The following CCSER1 variants were observed in gnomAD, a reference collection of about 807,000 sequenced individuals.
The protein encoded by CCSER1 is serine-rich coiled-coil domain-containing protein 1.
CCSER1 carries 41 observed loss-of-function variants against 82.0 expected under a neutral mutation model. That is an observed-to-expected ratio of 0.50 (90% CI 0.39 to 0.65). CCSER1 has a LOEUF of 0.65. Ranked by LOEUF, CCSER1 falls within the 30% of genes least tolerant of loss-of-function variation. The pLI, the probability that CCSER1 is intolerant of heterozygous loss-of-function variation, is 0.00. For missense variants in CCSER1, 1,119 were observed against 1,064.2 expected (o/e 1.05, Z -0.72); for synonymous variants, 414 against 383.9 (o/e 1.08, Z -0.92).
At chr4:91,360,384 G>A (rs527601265) in intron 10 of CCSER1, among the ~76,000 whole-genome samples, 2 of 151,518 alleles carry the variant, frequency 1.3e-5, no homozygotes, top group South Asian at 2.1e-4. Flanking sequence ...ATTATGAACT[G>A]GGAATAAAAC....
intron 3 of CCSER1, among the ~76,000 whole-genome samples, chr4:90,345,629 T>C (rs1742178748): frequency 6.6e-6 from 1 of 152,028 alleles, no homozygotes; most frequent in African/African-American, 2.4e-5. Flanking sequence ...ATATACTAAA[T>C]GAACAGACAA....
At chr4:90,865,464 T>A (rs899423327) in intron 8 of CCSER1, among the ~76,000 whole-genome samples, 2 of 152,174 alleles carry the variant, frequency 1.3e-5, no homozygotes, top group African/African-American at 4.8e-5. Context: ...CATGTTTTTT[T>A]AAATGTCTAC....
chr4:91,177,440 A>G (rs1020324770), intron 10 of CCSER1, among the ~76,000 whole-genome samples: 47 of 152,286 alleles, frequency 3.1e-4, no homozygotes, highest in Non-Finnish European at 5.9e-4. Context: ...CTGTGAATCC[A>G]TCTGGTCCTG....
rs1315484687 is a variant in CCSER1, at chr4:90,225,547, A to G, written c.-41-82697A>G. Among the ~76,000 whole-genome samples the G allele has an allele frequency of 2.6e-5, 4 of 152,174 alleles. No homozygotes were observed. The East Asian group carries it at 5.8e-4, about 22-fold the overall frequency. The stretch of plus-strand genomic sequence containing the variant: ...TGGGCATTATATTATCTATTTGGCA[A>G]TTGAGAAAATAGAGGCTTATAGAGG... On this transcript the variant is annotated intron_variant, in intron 1 of 10. Transcript: ENST00000509176.
intron 7 of CCSER1, among the ~76,000 whole-genome samples, chr4:90,744,759 C>T (rs1177058431): frequency 1.3e-5 from 2 of 152,010 alleles, no homozygotes; most frequent in Non-Finnish European, 2.9e-5. Flanking sequence ...ACTGCACGTA[C>T]AAGGGATCTA....
At chr4:91,521,684 A>C (rs2110142301) in intron 10 of CCSER1, among the ~76,000 whole-genome samples, 1 of 152,340 alleles carries the variant, frequency 6.6e-6, no homozygotes, top group South Asian at 2.1e-4. Flanking sequence ...TCTTCTTTTG[A>C]GAAATGCCTG....
intron 10 of CCSER1, among the ~76,000 whole-genome samples, chr4:91,339,244 A>G (rs2149285542): frequency 6.6e-6 from 1 of 152,280 alleles, no homozygotes; most frequent in Non-Finnish European, 1.5e-5. Flanking sequence ...AATGGAGTCT[A>G]AGTGAATTCT....
chr4:90,775,404 C>T (rs1236658216), intron 7 of CCSER1, among the ~76,000 whole-genome samples: 2 of 152,066 alleles, frequency 1.3e-5, no homozygotes, highest in Non-Finnish European at 2.9e-5. Context: ...GTTCTAGAAA[C>T]AGTTTTACAG....
At chr4:90,228,577 A>C (rs935809825) in intron 1 of CCSER1, among the ~76,000 whole-genome samples, 2 of 152,210 alleles carry the variant, frequency 1.3e-5, no homozygotes, top group Non-Finnish European at 2.9e-5. Flanking sequence ...TCCTCCTCCA[A>C]AGGAACATAA....
Position 90,308,528 on chromosome 4 carries a change from C to G in CCSER1, c.244C>G (p.Pro82Ala). Residue 82 changes from proline (P) to alanine (A), a missense_variant, in exon 2 of 11, where the codon CCT becomes GCT. Transcript: ENST00000509176. ...HKKGSEPKQEPTNQNLSISNG... is the reference protein window; with the variant it reads ...HKKGSEPKQEATNQNLSISNG... The stretch of plus-strand genomic sequence containing the variant: ...GAAGGGGAGTGAGCCTAAGCAAGAG[C>G]CTACCAACCAGAACCTTAGTATTTC... 2 of 1,613,890 alleles carry G rather than the reference C, an allele frequency of 1.2e-6. No homozygotes were observed. Among genetic ancestry groups the G allele is most frequent in the East Asian group, 4.5e-5 (2 of 44,870 alleles).
chr4:90,922,716 C>G (rs1345053790), intron 8 of CCSER1, among the ~76,000 whole-genome samples: 5 of 151,968 alleles, frequency 3.3e-5, no homozygotes, highest in African/African-American at 1.2e-4. Context: ...TAATTAAACT[C>G]AAGATCTCAT....
intron 9 of CCSER1, among the ~76,000 whole-genome samples, chr4:91,052,351 CTT>C (rs1743080238): frequency 1.3e-5 from 2 of 152,010 alleles, no homozygotes; most frequent in South Asian, 4.1e-4. Context: ...AATTGAAAAA[CTT>C]ATTAGGTTCA....
intron 1 of CCSER1, among the ~76,000 whole-genome samples, chr4:90,229,806 G>A (rs1744072792): frequency 6.6e-6 from 1 of 151,830 alleles, no homozygotes; most frequent in African/African-American, 2.4e-5. Context: ...ACAAAAAAAG[G>A]CAGGGGTTGC....
At chr4:91,199,610 A>G (rs929879555) in intron 10 of CCSER1, among the ~76,000 whole-genome samples, 12 of 152,092 alleles carry the variant, frequency 7.9e-5, no homozygotes, top group Non-Finnish European at 1.0e-4. Context: ...GGTAAAGCTC[A>G]TGTCCTCAAG....
At position 90,552,787 on chromosome 4, in the gene CCSER1, A is replaced by G. The variant is rs79746236; in HGVS notation, c.1725-75238A>G. 2.6e-4 allele frequency among the ~76,000 whole-genome samples: 39 copies of G among 152,258 alleles called. No homozygotes were observed. The East Asian group carries it at 7.0e-3, about 27-fold the overall frequency. Reference sequence around the variant, plus strand: ...TTAAGCTTTTCAAAGCTTTTTGCGTACTAGTCTTGTAGAAATTATTTAACA... The same window carrying G: ...TTAAGCTTTTCAAAGCTTTTTGCGTGCTAGTCTTGTAGAAATTATTTAACA... On this transcript the variant is annotated intron_variant, in intron 5 of 10. Transcript: ENST00000509176.
At chr4:90,581,465 G>A (rs936868375) in intron 5 of CCSER1, among the ~76,000 whole-genome samples, 2 of 152,020 alleles carry the variant, frequency 1.3e-5, no homozygotes, top group Admixed American at 1.3e-4. Flanking sequence ...GTTTGATTAC[G>A]TTCTACTTAA....
At chr4:90,548,317 T>C (rs1259527837) in intron 5 of CCSER1, among the ~76,000 whole-genome samples, 2 of 152,128 alleles carry the variant, frequency 1.3e-5, no homozygotes, top group Non-Finnish European at 2.9e-5. Context: ...CCCTTTAAAG[T>C]GCCCCTTATC....
intron 8 of CCSER1, among the ~76,000 whole-genome samples, chr4:90,868,579 C>A (rs1449423827): frequency 6.6e-6 from 1 of 152,018 alleles, no homozygotes. Flanking sequence ...GTGTGTACCA[C>A]CTTTTCTTTA....
chr4:90,357,761 T>G (rs1484826009), intron 3 of CCSER1, among the ~76,000 whole-genome samples: 1 of 152,036 alleles, frequency 6.6e-6, no homozygotes, highest in Non-Finnish European at 1.5e-5. Flanking sequence ...GGATAAATGT[T>G]TCTGCTTCTA....
Sources: allele counts gnomAD v4.1 joint callset (sites outside exome capture counted in the v4.1 genomes callset), GRCh38; gene constraint gnomAD v4.1.1; transcripts MANE v1.5; gene names NCBI Gene and HGNC (gene_info 2026-07-23, HGNC 2026-07-21).